The following ST3GAL2 variants were observed in gnomAD, a reference collection of about 807,000 sequenced individuals.
ST3GAL2 encodes ST3 beta-galactoside alpha-2,3-sialyltransferase 2.
ST3GAL2 carries 16 observed loss-of-function variants against 37.5 expected under a neutral mutation model. The ratio of observed to expected loss-of-function variants is 0.43; its 90% confidence interval spans 0.29 to 0.65. The LOEUF is 0.65. ST3GAL2 is among the 30% of genes least tolerant of loss of function. The probability of loss-of-function intolerance (pLI) is 0.17; values close to 1 mark genes in which losing one functional copy is unlikely to be tolerated. For missense variants in ST3GAL2, 383 were observed against 487.8 expected (o/e 0.79, Z 2.02); for synonymous variants, 238 against 202.9 (o/e 1.17, Z -1.47).
At chr16:70,394,949 C>T in intron 3 of ST3GAL2, 33 bp downstream of exon 3, 1 of 1,601,998 alleles carries the variant, frequency 6.2e-7, no homozygotes, top group Non-Finnish European at 8.5e-7. Flanking sequence ...GAGGCCCATC[C>T]TGAGCCCACC....
intron 1 of ST3GAL2, among the ~76,000 whole-genome samples, chr16:70,410,013 C>T (rs570566740): frequency 6.6e-6 from 1 of 151,576 alleles, no homozygotes; most frequent in East Asian, 1.9e-4. Context: ...ATGATCCTCC[C>T]AACGTGGCCT....
At chr16:70,415,526 C>CTCCT (rs1555560661) in intron 1 of ST3GAL2, among the ~76,000 whole-genome samples, 4 of 151,808 alleles carry the variant, frequency 2.6e-5, no homozygotes, top group African/African-American at 9.7e-5. Flanking sequence ...CAGGGTGTTT[C>CTCCT]TCTCTCTCTC....
At chr16:70,433,624 G>C (rs1237358329) in intron 1 of ST3GAL2, among the ~76,000 whole-genome samples, 3 of 152,096 alleles carry the variant, frequency 2.0e-5, no homozygotes, top group Non-Finnish European at 4.4e-5. Context: ...GACAAAATGA[G>C]TGAGCACAGC....
intron 1 of ST3GAL2, among the ~76,000 whole-genome samples, chr16:70,431,783 G>A (rs1008215878): frequency 1.9e-4 from 29 of 151,932 alleles, no homozygotes; most frequent in African/African-American, 7.0e-4. Flanking sequence ...CTAATACAGT[G>A]AAACCCCGTC....
In ST3GAL2 at chr16:70,377,496, A is replaced by G. The variant is rs528075157; in HGVS notation, c.*4193T>C. On this transcript the variant is annotated 3_prime_UTR_variant, in exon 7 of 7. Transcript: ENST00000342907. The stretch of plus-strand genomic sequence containing the variant: ...CTCCATCTGAAAAAAAAAAAAAAAA[A>G]AGAGAAAAGCCTCCATCGTGACAAA... 99 of 151,204 alleles carry G rather than the reference A, an allele frequency of 6.5e-4. No individual in the cohort carries two copies. The highest frequency in any genetic ancestry group is 4.9e-3 in the East Asian group (25 of 5,146). 9.4% of individuals were successfully genotyped at this position (151,204 alleles called of 1,614,324 possible).
rs539568032 is a variant in ST3GAL2, at chr16:70,405,714, T to C, written c.-1003-6181A>G. ...AGAATGGGGAATGACTGCCAGTGGG[T>C]TGGAGTTTTCTTCTGGGGTGATGTT... On this transcript the variant is annotated intron_variant, in intron 1 of 6. Coordinates refer to ENST00000342907, the MANE Select transcript of ST3GAL2 (RefSeq NM_006927.4). Among the ~76,000 whole-genome samples, 4 of 151,806 alleles carry C rather than the reference T, an allele frequency of 2.6e-5. No homozygotes were observed. In the South Asian group the frequency reaches 8.4e-4, roughly 32 times the overall value.
At chr16:70,396,066 G>A (rs2151662607) in intron 2 of ST3GAL2, among the ~76,000 whole-genome samples, 1 of 151,548 alleles carries the variant, frequency 6.6e-6, no homozygotes, top group South Asian at 2.1e-4. Context: ...CCGCCTCCCG[G>A]GTTCAAGGGA....
At chr16:70,413,268 T>G in intron 1 of ST3GAL2, among the ~76,000 whole-genome samples, 2 of 137,608 alleles carry the variant, frequency 1.5e-5, no homozygotes, top group East Asian at 2.2e-4. Flanking sequence ...AAAAAAAAGT[T>G]AGCTGGGCAT....
intron 3 of ST3GAL2, among the ~76,000 whole-genome samples, chr16:70,392,257 T>C (rs1024849269): frequency 6.6e-6 from 1 of 152,192 alleles, no homozygotes; most frequent in Non-Finnish European, 1.5e-5. Context: ...AACATGGCAC[T>C]CTAACAGGGA....
At chr16:70,383,358 C>A in intron 4 of ST3GAL2, 123 bp from the exon 5 acceptor site, 4 of 835,942 alleles carry the variant, frequency 4.8e-6, no homozygotes, top group Non-Finnish European at 7.0e-6. Context: ...CGAGGCCAGC[C>A]GGATCACCTG....
intron 1 of ST3GAL2, among the ~76,000 whole-genome samples, chr16:70,438,579 G>A (rs1040104411): frequency 6.6e-6 from 1 of 150,634 alleles, no homozygotes; most frequent in African/African-American, 2.4e-5. Flanking sequence ...GAGGCCGGGA[G>A]ACCCAGGGTT....
At chr16:70,420,038 T>C (rs868751305) in intron 1 of ST3GAL2, among the ~76,000 whole-genome samples, 5 of 150,552 alleles carry the variant, frequency 3.3e-5, no homozygotes, top group African/African-American at 4.9e-5. Flanking sequence ...TTTTTTTTTT[T>C]TTTTTTGAGA....
chr16:70,410,326 C>T (rs2047628799), intron 1 of ST3GAL2, among the ~76,000 whole-genome samples: 1 of 130,720 alleles, frequency 7.6e-6, no homozygotes, highest in Admixed American at 8.4e-5. Context: ...TCTCGGCTCA[C>T]TGCAAGCTCT....
chr16:70,408,233 A>T (rs1009963957), intron 1 of ST3GAL2, among the ~76,000 whole-genome samples: 3 of 152,182 alleles, frequency 2.0e-5, no homozygotes, highest in African/African-American at 4.8e-5. Context: ...CTTCAAGCCC[A>T]GAGCTCCTTC....
At position 70,381,626 on chromosome 16, in the gene ST3GAL2, G is replaced by A. The variant is rs2047405681; in HGVS notation, c.*63C>T. 5 of 1,571,668 alleles carry A rather than the reference G, an allele frequency of 3.2e-6. No homozygotes were observed. Among genetic ancestry groups the A allele is most frequent in the South Asian group, 1.2e-5 (1 of 86,614 alleles). ...TGATTGGTCGCGGGTTGCTGGTCCT[G>A]GGTCCCGGGCCGGAGCCCCGGTGCC... On this transcript the variant is annotated 3_prime_UTR_variant, in exon 7 of 7. Transcript: ENST00000342907.
At chr16:70,397,263 G>A (rs946511966) in intron 2 of ST3GAL2, among the ~76,000 whole-genome samples, 4 of 150,948 alleles carry the variant, frequency 2.6e-5, no homozygotes, top group Admixed American at 2.0e-4. Flanking sequence ...GGCTGGTCTC[G>A]AACTCCTGAC....
chr16:70,422,264 A>T lies in ST3GAL2; in HGVS notation c.-1004+16685T>A, dbSNP rs1272625393. 3.9e-5 allele frequency among the ~76,000 whole-genome samples: 6 copies of T among 152,228 alleles called. 1 individual carries two copies. The East Asian group carries it at 1.2e-3, about 29-fold the overall frequency. On this transcript the variant is annotated intron_variant, in intron 1 of 6. Transcript: ENST00000342907. ...ACTCCCTGCAAAGATTAAATGAGCA[A>T]TGACTGTAGGCTGTGGAGTGCTGTA...
chr16:70,408,890 CAAAAA>C (rs59060353), intron 1 of ST3GAL2, among the ~76,000 whole-genome samples: 132 of 59,728 alleles, frequency 2.2e-3, no homozygotes, highest in Non-Finnish European at 3.6e-3. Context: ...CTCAAAGAAA[CAAAAA>C]AAAAAAAAAA....
intron 1 of ST3GAL2, among the ~76,000 whole-genome samples, chr16:70,411,640 A>G (rs2047639048): frequency 1.3e-5 from 2 of 152,146 alleles, no homozygotes; most frequent in Admixed American, 1.3e-4. Context: ...AAACTAATCC[A>G]GTGTTTTCCA....
Sources: allele counts gnomAD v4.1 joint callset (sites outside exome capture counted in the v4.1 genomes callset), GRCh38; gene constraint gnomAD v4.1.1; transcripts MANE v1.5; gene names NCBI Gene and HGNC (gene_info 2026-07-23, HGNC 2026-07-21).